The following GJC2 variants were observed in gnomAD, a reference collection of about 807,000 sequenced individuals.
GJC2 encodes the protein gap junction protein gamma 2, also known as gap junction gamma-2 protein.
For synonymous variants in GJC2, 336 were observed against 307.5 expected (o/e 1.09, Z -0.97); for missense variants, 647 against 648.9 (o/e 1.00, Z 0.03).
rs2034604807 is a variant in GJC2 at position 228,150,648 on chromosome 1, G to T, written c.-20+641G>T. Among the ~76,000 whole-genome samples, 1 of 152,106 alleles carries T rather than the reference G, an allele frequency of 6.6e-6. No individual in the cohort carries two copies. Among genetic ancestry groups the T allele is most frequent in the African/African-American group, 2.4e-5 (1 of 41,426 alleles). On this transcript the variant is annotated intron_variant, in intron 1 of 1. Transcript: ENST00000366714. The surrounding 1 kb of genome is among the most constrained non-coding windows in gnomAD (Gnocchi z 4.6). The stretch of plus-strand genomic sequence containing the variant: ...TGGGGCAGGCCCTCAGTGCAAGGAA[G>T]GGGCGGCGTGGCTGAGGAGGGGGAG...
In GJC2 at chr1:228,152,045, C is replaced by T. The variant is rs74142605; in HGVS notation, c.-20+2038C>T. The stretch of plus-strand genomic sequence containing the variant: ...TAGCCCCCTCTGAGTGAGGACTGTC[C>T]CCACACAGGGCCCTGCAGTGGAGTG... On this transcript the variant is annotated intron_variant, in intron 1 of 1. Transcript: ENST00000366714. The surrounding 1 kb of genome is among the most constrained non-coding windows in gnomAD (Gnocchi z 7.3). Among the ~76,000 whole-genome samples, 1,047 of 152,186 alleles carry T rather than the reference C, an allele frequency of 6.9e-3. 10 individuals are homozygous for T. Among genetic ancestry groups the T allele is most frequent in the African/African-American group, 0.024 (999 of 41,526 alleles).
Position 228,157,729 on chromosome 1 carries a change from C to A in GJC2, c.-19-11C>A, listed in dbSNP as rs1395183859. 3.1e-6 allele frequency: 4 copies of A among 1,285,268 alleles called. No individual in the cohort carries two copies. Among genetic ancestry groups the A allele is most frequent in the South Asian group, 2.6e-5 (2 of 77,644 alleles). The allele number at this position is 1,285,268 out of a possible 1,614,324, so 79.6% of individuals were successfully genotyped here. On this transcript the variant is annotated splice_polypyrimidine_tract_variant and intron_variant, in intron 1 of 1. Coordinates refer to ENST00000366714, the MANE Select transcript of GJC2 (RefSeq NM_020435.4). ...TGCAGGCCCCTGGCTGACCCCTACCCCGCCCCACAGGACCCGCCCGCCCGC... is the reference window on the plus strand; with the variant it reads ...TGCAGGCCCCTGGCTGACCCCTACCACGCCCCACAGGACCCGCCCGCCCGC...
Position 228,157,880 on chromosome 1 carries a change from TG to T in GJC2, c.125del (p.Gly42AlafsTer168). 3 of 1,612,184 alleles carry T rather than the reference TG, an allele frequency of 1.9e-6. No individual in the cohort carries two copies. The highest frequency in any genetic ancestry group is 2.5e-6 in the Non-Finnish European group (3 of 1,179,690). On this transcript the variant is annotated frameshift_variant, in exon 2 of 2. Coordinates refer to ENST00000366714, the MANE Select transcript of GJC2 (RefSeq NM_020435.4). LOFTEE classifies it low-confidence loss of function (END_TRUNC). ...LVVFRIVLTAVGGEAIYSDEQ... is the reference protein window; with the variant it reads ...LVVFRIVLTAXGGEAIYSDEQ... ...GTCTTCCGCATCGTGCTGACGGCTG[TG>T]GGCGGCGAGGCCATCTACTCGGACG...
In GJC2 at chr1:228,152,880, A is replaced by G. The variant is rs943705701; in HGVS notation, c.-20+2873A>G. Among the ~76,000 whole-genome samples the G allele has an allele frequency of 6.6e-6, 1 of 151,348 alleles. No homozygotes were observed. The highest frequency in any genetic ancestry group is 6.6e-5 in the Admixed American group (1 of 15,218). On this transcript the variant is annotated intron_variant, in intron 1 of 1. Transcript: ENST00000366714. The surrounding 1 kb of genome is among the most constrained non-coding windows in gnomAD (Gnocchi z 7.3). ...GGTGGCCTCCTGTGGTCACCCCCCTACCTCGCCCTGACACCTTACTAACCC... is the reference window on the plus strand; with the variant it reads ...GGTGGCCTCCTGTGGTCACCCCCCTGCCTCGCCCTGACACCTTACTAACCC...
At chr1:228,154,092 A>C (rs1376375758) in intron 1 of GJC2, among the ~76,000 whole-genome samples, 1 of 152,052 alleles carries the variant, frequency 6.6e-6, no homozygotes, top group Non-Finnish European at 1.5e-5. Context: ...TGCTCCTCAT[A>C]ATGAATGGAC....
At chr1:228,156,307 T>C (rs2034679110) in intron 1 of GJC2, among the ~76,000 whole-genome samples, 1 of 152,272 alleles carries the variant, frequency 6.6e-6, no homozygotes, top group South Asian at 2.1e-4. Context: ...TGCCTGTGGA[T>C]GTACACATAC....
In GJC2 at chr1:228,158,319, G is replaced by A. The variant is rs1161650965; in HGVS notation, c.561G>A (p.Lys187=). The change falls in exon 2 of 2, where the codon AAG becomes AAA. Residue 187 remains lysine (K), a synonymous_variant. Transcript: ENST00000366714. The surrounding 1 kb of genome is among the most constrained non-coding windows in gnomAD (Gnocchi z 8.3). ...CTAAGGCGGTCGGCGCTGACGGCAAGGCGGCAGGGACCCCGGGCCCGACCG... is the reference window on the plus strand; with the variant it reads ...CTAAGGCGGTCGGCGCTGACGGCAAAGCGGCAGGGACCCCGGGCCCGACCG... ...ACTKAVGADG[K]AAGTPGPTGQ... The A allele has an allele frequency of 6.4e-7, 1 of 1,556,066 alleles. No individual in the cohort carries two copies. The highest frequency in any genetic ancestry group is 8.7e-7 in the Non-Finnish European group (1 of 1,154,036).
At chr1:228,156,211 C>T (rs142747544) in intron 1 of GJC2, among the ~76,000 whole-genome samples, 5 of 152,166 alleles carry the variant, frequency 3.3e-5, no homozygotes, top group East Asian at 1.9e-4. Flanking sequence ...GTTGTGCATA[C>T]GTATGTGCAT....
chr1:228,153,506 C>T (rs2034644479), intron 1 of GJC2, among the ~76,000 whole-genome samples: 1 of 151,670 alleles, frequency 6.6e-6, no homozygotes, highest in South Asian at 2.1e-4. Flanking sequence ...CCCACCTCAG[C>T]TTCCCGAGTA....
chr1:228,154,108 T>C (rs1293069944), intron 1 of GJC2, among the ~76,000 whole-genome samples: 2 of 152,150 alleles, frequency 1.3e-5, no homozygotes, highest in East Asian at 1.9e-4. Context: ...TGGACCAATA[T>C]GGATGAGCTG....
rs1193263308 is a variant in GJC2 at position 228,153,795 on chromosome 1, C to T, written c.-20+3788C>T. Among the ~76,000 whole-genome samples the T allele has an allele frequency of 2.0e-5, 3 of 152,040 alleles. No homozygotes were observed. The East Asian group carries it at 5.8e-4, about 30-fold the overall frequency. On this transcript the variant is annotated intron_variant, in intron 1 of 1. Coordinates refer to ENST00000366714, the MANE Select transcript of GJC2 (RefSeq NM_020435.4). ...ATGGGGTTTCACCATATTGGCCAGGCTGGTCTTGAACTCCTGACCTCATGA... is the reference window on the plus strand; with the variant it reads ...ATGGGGTTTCACCATATTGGCCAGGTTGGTCTTGAACTCCTGACCTCATGA...
chr1:228,157,741 A>AGGCCC lies in GJC2; in HGVS notation c.-18_-17insGGCCC. ...GCTGACCCCTACCCCGCCCCACAGGACCCGCCCGCCCGCCCCTATGACCAA... is the reference window on the plus strand; with the variant it reads ...GCTGACCCCTACCCCGCCCCACAGGAGGCCCCCCGCCCGCCCGCCCCTATGACCAA... On this transcript the variant is annotated splice_region_variant and 5_prime_UTR_variant, in exon 2 of 2. Coordinates refer to ENST00000366714, the MANE Select transcript of GJC2 (RefSeq NM_020435.4). 2 of 354,470 alleles carry AGGCCC rather than the reference A, an allele frequency of 5.6e-6. No individual in the cohort carries two copies. The highest frequency in any genetic ancestry group is 1.1e-5 in the Non-Finnish European group (2 of 177,092). The allele number at this position is 354,470 out of a possible 1,614,324, so 22.0% of individuals were successfully genotyped here.
chr1:228,159,527 T>C lies in GJC2; in HGVS notation c.*449T>C. On this transcript the variant is annotated 3_prime_UTR_variant, in exon 2 of 2. Transcript: ENST00000366714. The surrounding 1 kb of genome is among the most constrained non-coding windows in gnomAD (Gnocchi z 4.0). ...GCAAATGGGGCTCCTTCTTCAGCCC[T>C]CCCCTTCCCAGCCCCAAACTGAGAC... is the stretch of plus-strand genomic sequence containing the variant. 1 of 182,272 alleles carries C rather than the reference T, an allele frequency of 5.5e-6. No homozygotes were observed. The highest frequency in any genetic ancestry group is 2.4e-5 in the African/African-American group (1 of 41,758). 11.3% of individuals were successfully genotyped at this position (182,272 alleles called of 1,614,324 possible). A position where few individuals can be genotyped will look rare whatever the true frequency, so the allele number is the denominator to read the frequency against.
rs147474335 is a variant in GJC2 at position 228,155,867 on chromosome 1, C to A, written c.-19-1873C>A. Among the ~76,000 whole-genome samples, 57 of 152,370 alleles carry A rather than the reference C, an allele frequency of 3.7e-4. 1 individual carries two copies. In the East Asian group the frequency reaches 0.01, roughly 27 times the overall value. ...GGAATGCTCACACCATGGGCACTGG[C>A]AGGCGCCATTACTGCAGGCTGCCCC... On this transcript the variant is annotated intron_variant, in intron 1 of 1. Coordinates refer to ENST00000366714, the MANE Select transcript of GJC2 (RefSeq NM_020435.4).
chr1:228,157,738 A>AGGGGGGGGGGGGGGGGGGGGGGGGGGGGG lies in GJC2; in HGVS notation c.-19_-18insGGGGGGGGGGGGGGGGGGGGGGGGGGGGG. 3 of 660,970 alleles carry AGGGGGGGGGGGGGGGGGGGGGGGGGGGGG rather than the reference A, an allele frequency of 4.5e-6. No individual in the cohort carries two copies. Among genetic ancestry groups the AGGGGGGGGGGGGGGGGGGGGGGGGGGGGG allele is most frequent in the East Asian group, 3.0e-5 (1 of 33,346 alleles). The allele number at this position is 660,970 out of a possible 1,614,324, so 40.9% of individuals were successfully genotyped here. A position where few individuals can be genotyped will look rare whatever the true frequency, so the allele number is the denominator to read the frequency against. On this transcript the variant is annotated splice_acceptor_variant, in intron 1 of 1. Coordinates refer to ENST00000366714, the MANE Select transcript of GJC2 (RefSeq NM_020435.4). LOFTEE classifies it low-confidence loss of function (5UTR_SPLICE). The stretch of plus-strand genomic sequence containing the variant: ...CTGGCTGACCCCTACCCCGCCCCAC[A>AGGGGGGGGGGGGGGGGGGGGGGGGGGGGG]GGACCCGCCCGCCCGCCCCTATGAC...
At chr1:228,153,844 G>C (rs2034649155) in intron 1 of GJC2, among the ~76,000 whole-genome samples, 1 of 151,930 alleles carries the variant, frequency 6.6e-6, no homozygotes, top group Non-Finnish European at 1.5e-5. Flanking sequence ...GCCTCACAAA[G>C]TGCTGGGATT....
intron 1 of GJC2, among the ~76,000 whole-genome samples, chr1:228,155,999 C>G (rs1339080223): frequency 6.6e-6 from 1 of 152,248 alleles, no homozygotes; most frequent in African/African-American, 2.4e-5. Context: ...GTCTCAGGTT[C>G]CTGTCGGGCT....
chr1:228,152,912 C>T lies in GJC2; in HGVS notation c.-20+2905C>T, dbSNP rs2034637383. 2.0e-5 allele frequency among the ~76,000 whole-genome samples: 3 copies of T among 152,174 alleles called. No individual in the cohort carries two copies. The highest frequency in any genetic ancestry group is 6.5e-5 in the Admixed American group (1 of 15,284). On this transcript the variant is annotated intron_variant, in intron 1 of 1. Coordinates refer to ENST00000366714, the MANE Select transcript of GJC2 (RefSeq NM_020435.4). This position sits in a 1 kb window ranked among gnomAD's most constrained non-coding sequence, Gnocchi z 7.3. ...CCTGACACCTTACTAACCCCAGCAG[C>T]TGCCTCCTCCCAGACTCTGAAGCCC...
rs925200866 is a variant in GJC2 at position 228,151,896 on chromosome 1, G to A, written c.-20+1889G>A. Among the ~76,000 whole-genome samples, 5 of 152,160 alleles carry A rather than the reference G, an allele frequency of 3.3e-5. No homozygotes were observed. The highest frequency in any genetic ancestry group is 1.2e-4 in the African/African-American group (5 of 41,438). Reference sequence around the variant, plus strand: ...CCAGGACAGGCAGCTGGGGGCTCAGGCAGGGACATGGAGGACAGGTAGTGG... The same window carrying A: ...CCAGGACAGGCAGCTGGGGGCTCAGACAGGGACATGGAGGACAGGTAGTGG... On this transcript the variant is annotated intron_variant, in intron 1 of 1. Coordinates refer to ENST00000366714, the MANE Select transcript of GJC2 (RefSeq NM_020435.4). The surrounding 1 kb of genome is among the most constrained non-coding windows in gnomAD (Gnocchi z 5.4).
Sources: gnomAD v4.1 joint callset for allele counts (sites outside exome capture counted in the v4.1 genomes callset) on GRCh38, gnomAD v4.1.1 for gene constraint, Gnocchi (gnomAD v3.1) non-coding constraint, MANE v1.5 for transcripts, NCBI Gene and HGNC (gene_info 2026-07-23, HGNC 2026-07-21) for gene names.